LRCH1: variants seen among roughly 807,000 people sequenced by gnomAD.
LRCH1 encodes leucine-rich repeat and calponin homology domain-containing protein 1.
Under a neutral mutation model 94.9 loss-of-function variants are expected in LRCH1, and 23 were observed. The observed-to-expected ratio is 0.24, with a 90% CI of 0.17 to 0.34. LRCH1 has a LOEUF of 0.34. Among genes scored for constraint, LRCH1 ranks in the 10% least tolerant of loss-of-function variants. The probability of loss-of-function intolerance (pLI) is 1.00; values close to 1 mark genes in which losing one functional copy is unlikely to be tolerated. For missense variants in LRCH1, 790 were observed against 945.9 expected (o/e 0.84, Z 2.16); for synonymous variants, 364 against 354.9 (o/e 1.03, Z -0.29).
Position 46,715,593 on chromosome 13 carries a change from A to G in LRCH1, c.1688A>G (p.Asn563Ser), listed in dbSNP as rs1363292224. ...PALILPPISF[N>S]TLTQAQTWDS... ...CTCATTCTTCCTCCTATCTCCTTCA[A>G]CACACTTACACAGGCACAGACATGG... is the stretch of plus-strand genomic sequence containing the variant. Residue 563 changes from asparagine to serine, a missense_variant, in exon 16 of 20, where the codon AAC becomes AGC. Physicochemically the swap from Asn to Ser is conservative, Grantham distance 46 (BLOSUM62 1). Coordinates refer to ENST00000389797, the MANE Select transcript of LRCH1 (RefSeq NM_001164211.2). 7.2e-6 allele frequency: 11 copies of G among 1,537,134 alleles called. No homozygotes were observed. The highest frequency in any genetic ancestry group is 2.4e-5 in the South Asian group (2 of 84,054).
intron 1 of LRCH1, among the ~76,000 whole-genome samples, chr13:46,639,059 AT>A (rs2051127778): frequency 6.6e-6 from 1 of 152,204 alleles, no homozygotes; most frequent in Non-Finnish European, 1.5e-5. Flanking sequence ...TGGTTTGGTC[AT>A]TTTTATTATA....
chr13:46,682,956 A>G (rs530962555), intron 4 of LRCH1, among the ~76,000 whole-genome samples: 1 of 152,366 alleles, frequency 6.6e-6, no homozygotes, highest in South Asian at 2.1e-4. Context: ...TTGGACCTGG[A>G]TCAGGAATGA....
At chr13:46,651,872 TG>T (rs2051305768) in intron 2 of LRCH1, among the ~76,000 whole-genome samples, 3 of 141,490 alleles carry the variant, frequency 2.1e-5, no homozygotes, top group African/African-American at 5.4e-5. Flanking sequence ...GCTGATGTTT[TG>T]TTTTTTTTGT....
chr13:46,595,840 A>C (rs1211263706), intron 1 of LRCH1, among the ~76,000 whole-genome samples: 1 of 150,038 alleles, frequency 6.7e-6, no homozygotes, highest in Admixed American at 6.7e-5. Context: ...AATTGGCCAC[A>C]TGGAATCCAA....
chr13:46,650,179 A>G (rs1206781224), intron 1 of LRCH1, 22 bp from the exon 2 acceptor site: 1 of 1,577,704 alleles, frequency 6.3e-7, no homozygotes, highest in Non-Finnish European at 8.6e-7. Context: ...TGTTGAGAAA[A>G]TATTCTCTCC....
downstream of LRCH1, among the ~76,000 whole-genome samples, chr13:46,745,857 G>A (rs1008214985): frequency 6.6e-6 from 1 of 152,158 alleles, no homozygotes; most frequent in African/African-American, 2.4e-5. Flanking sequence ...GTAGAAGGAG[G>A]AGAGTCAGGC....
intron 1 of LRCH1, among the ~76,000 whole-genome samples, chr13:46,599,251 A>G (rs538025587): frequency 6.1e-4 from 93 of 152,318 alleles, no homozygotes; most frequent in African/African-American, 2.0e-3. Context: ...CTGTCAATGA[A>G]CATTTGGGTT....
intron 7 of LRCH1, 135 bp from the exon 8 acceptor site, chr13:46,692,401 G>T: frequency 6.4e-5 from 35 of 548,796 alleles, no homozygotes; most frequent in East Asian, 1.7e-4. Flanking sequence ...AAGTGGAATT[G>T]ACCTTTGTAT....
At position 46,701,117 on chromosome 13, in the gene LRCH1, A is replaced by G. The variant is rs1349414140; in HGVS notation, c.1314-4A>G. ...TCATTCTTATGCTTGGTTTCACGTT[A>G]CAGAATAAGTTCATCCAAAGATCAG... On this transcript the variant is annotated splice_region_variant and splice_polypyrimidine_tract_variant and intron_variant, in intron 10 of 19. Transcript: ENST00000389797. 1 of 1,593,042 alleles carries G rather than the reference A, an allele frequency of 6.3e-7. No individual in the cohort carries two copies. Among genetic ancestry groups the G allele is most frequent in the Admixed American group, 1.7e-5 (1 of 59,484 alleles).
At chr13:46,750,944 A>G (rs1393084420) in exon 19 of LRCH1, 3 of 222,978 alleles carry the variant, frequency 1.3e-5, no homozygotes. Flanking sequence ...ACACTCACCG[A>G]CTGCCATTAC....
intron 1 of LRCH1, among the ~76,000 whole-genome samples, chr13:46,621,123 C>G (rs1435855491): frequency 6.6e-6 from 1 of 152,216 alleles, no homozygotes; most frequent in Non-Finnish European, 1.5e-5. Context: ...ATACTTTCAT[C>G]TTTCTCTTAC....
intron 1 of LRCH1, among the ~76,000 whole-genome samples, chr13:46,572,117 T>G (rs946153438): frequency 6.6e-6 from 1 of 152,226 alleles, no homozygotes; most frequent in Non-Finnish European, 1.5e-5. Context: ...TCCCTTGGTC[T>G]GCCAGCACAG....
intron 1 of LRCH1, among the ~76,000 whole-genome samples, chr13:46,565,046 A>G (rs2050167482): frequency 6.6e-6 from 1 of 152,234 alleles, no homozygotes. Context: ...CATGGCTACT[A>G]CTTCACTTCC....
At chr13:46,626,238 T>C (rs1051703933) in intron 1 of LRCH1, among the ~76,000 whole-genome samples, 1 of 152,174 alleles carries the variant, frequency 6.6e-6, no homozygotes, top group Non-Finnish European at 1.5e-5. Flanking sequence ...TTCCAAAGCA[T>C]AGTCCCTTGG....
intron 1 of LRCH1, among the ~76,000 whole-genome samples, chr13:46,632,374 C>T (rs2051029244): frequency 6.6e-6 from 1 of 152,172 alleles, no homozygotes; most frequent in African/African-American, 2.4e-5. Context: ...CTGCCCCATA[C>T]ATATGCCTGT....
chr13:46,738,653 T>G (rs1045760636), intron 19 of LRCH1, among the ~76,000 whole-genome samples: 10 of 152,258 alleles, frequency 6.6e-5, no homozygotes, highest in African/African-American at 2.2e-4. Flanking sequence ...AGTGTTAATT[T>G]AAATCATAAC....
intron 1 of LRCH1, among the ~76,000 whole-genome samples, chr13:46,635,182 T>C (rs543444900): frequency 6.6e-6 from 1 of 152,324 alleles, no homozygotes; most frequent in Admixed American, 6.5e-5. Flanking sequence ...TCAAGGGGGC[T>C]TTACTGCCAC....
chr13:46,569,106 C>T (rs1318446656), intron 1 of LRCH1, among the ~76,000 whole-genome samples: 3 of 151,452 alleles, frequency 2.0e-5, no homozygotes, highest in Non-Finnish European at 4.4e-5. Flanking sequence ...ACCCTCTTTA[C>T]GTAGTCTTAC....
chr13:46,566,696 GA>G (rs2050188130), intron 1 of LRCH1, among the ~76,000 whole-genome samples: 1 of 152,190 alleles, frequency 6.6e-6, no homozygotes, highest in Non-Finnish European at 1.5e-5. Flanking sequence ...AGAGCTAGAG[GA>G]AGAGACCAGA....
Sources: gnomAD v4.1 joint callset for allele counts (sites outside exome capture counted in the v4.1 genomes callset) on GRCh38, gnomAD v4.1.1 for gene constraint, MANE v1.5 for transcripts, NCBI Gene and HGNC (gene_info 2026-07-23, HGNC 2026-07-21) for gene names.